The following CTTNBP2 variants were observed in gnomAD, a reference collection of about 807,000 sequenced individuals.
CTTNBP2 encodes the protein cortactin-binding protein 2.
In CTTNBP2, 108 loss-of-function variants were observed where a neutral mutation model predicts 156.9. That is an observed-to-expected ratio of 0.69 (90% CI 0.59 to 0.81). The LOEUF (loss-of-function observed/expected upper bound fraction) is 0.81, where lower values mean the gene tolerates loss of function less well. Among genes scored for constraint, CTTNBP2 ranks in the 30% least tolerant of loss-of-function variants. The pLI is 0.00. For missense variants in CTTNBP2, 1,924 were observed against 2,035.4 expected, an observed-to-expected ratio of 0.95 and a Z score of 1.05; for synonymous variants, 767 against 751.8, an observed-to-expected ratio of 1.02 and a Z score of -0.33.
intron 2 of CTTNBP2, among the ~76,000 whole-genome samples, chr7:117,827,099 T>C (rs1801333207): frequency 6.6e-6 from 1 of 152,168 alleles, no homozygotes; most frequent in Admixed American, 6.6e-5. Context: ...CCTTAATTGA[T>C]CTGCCTGCCT....
intron 21 of CTTNBP2, among the ~76,000 whole-genome samples, chr7:117,718,784 A>G (rs1562948422): frequency 1.3e-5 from 2 of 152,240 alleles, no homozygotes; most frequent in Admixed American, 6.5e-5. Flanking sequence ...TGCTTGGTCT[A>G]TAACATAAGT....
At chr7:117,759,099 C>T (rs919395135) in intron 10 of CTTNBP2, among the ~76,000 whole-genome samples, 4 of 152,088 alleles carry the variant, frequency 2.6e-5, no homozygotes, top group African/African-American at 9.7e-5. Context: ...ATTTTAAGTA[C>T]ATTATAACAA....
At chr7:117,846,651 G>T (rs1227524036) in intron 2 of CTTNBP2, among the ~76,000 whole-genome samples, 1 of 151,986 alleles carries the variant, frequency 6.6e-6, no homozygotes, top group Admixed American at 6.6e-5. Flanking sequence ...AGAAACATTT[G>T]AATTGCCTGT....
At chr7:117,763,719 G>A (rs1797332389) in intron 9 of CTTNBP2, among the ~76,000 whole-genome samples, 1 of 151,662 alleles carries the variant, frequency 6.6e-6, no homozygotes, top group African/African-American at 2.4e-5. Flanking sequence ...ACAGGCACGT[G>A]TCACCATGCC....
intron 8 of CTTNBP2, among the ~76,000 whole-genome samples, chr7:117,772,319 C>T (rs1383949039): frequency 7.9e-5 from 12 of 152,140 alleles, no homozygotes; most frequent in Admixed American, 3.9e-4. Context: ...AAAATTTATT[C>T]GTAAAAGAGT....
At position 117,791,701 on chromosome 7, in the gene CTTNBP2, A is replaced by G. The variant is rs139006477; in HGVS notation, c.1495T>C (p.Phe499Leu). The change falls in exon 4 of 23, where the codon TTT (phenylalanine) becomes CTT (leucine). Residue 499 changes from phenylalanine to leucine, a missense_variant. Transcript: ENST00000160373. ...GGAGCACCTGCTTGAGGGCTTGTAAATCTTGACAGTGCTTGGGTCACAGTA... is the reference window on the plus strand; with the variant it reads ...GGAGCACCTGCTTGAGGGCTTGTAAGTCTTGACAGTGCTTGGGTCACAGTA... ...RNTVTQALSR[F>L]TSPQAGAPSR... The G allele has an allele frequency of 2.3e-4, 373 of 1,614,000 alleles. 1 individual carries two copies. Among genetic ancestry groups the G allele is most frequent in the Middle Eastern group, 3.3e-4 (2 of 6,082 alleles).
At chr7:117,732,936 A>G (rs1795485215) in intron 16 of CTTNBP2, among the ~76,000 whole-genome samples, 2 of 152,194 alleles carry the variant, frequency 1.3e-5, no homozygotes, top group Non-Finnish European at 2.9e-5. Flanking sequence ...ATCATTATAT[A>G]ACTCTTTTAT....
At chr7:117,832,517 T>C (rs1255275972) in intron 2 of CTTNBP2, among the ~76,000 whole-genome samples, 1 of 151,332 alleles carries the variant, frequency 6.6e-6, no homozygotes, top group Non-Finnish European at 1.5e-5. Context: ...TCTGACTCTT[T>C]ATTCTCTCTC....
rs561305383 is a variant in CTTNBP2 at position 117,734,933 on chromosome 7, G to C, written c.3856C>G (p.Arg1286Gly). 1.3e-6 allele frequency: 2 copies of C among 1,598,404 alleles called. No individual in the cohort carries two copies. The highest frequency in any genetic ancestry group is 1.1e-5 in the South Asian group (1 of 89,854). The change falls in exon 16 of 23, where the codon CGA (arginine) becomes GGA (glycine). Residue 1286 changes from arginine to glycine, a missense_variant. Physicochemically the swap from Arg to Gly is moderately radical, Grantham distance 125. Coordinates refer to ENST00000160373, the MANE Select transcript of CTTNBP2 (RefSeq NM_033427.3). The stretch of plus-strand genomic sequence containing the variant: ...GTTACCTTATTCACAACTTTCCTTC[G>C]TAAGAACCTCTGCAGCAGTCCTTGC... ...PMQGLLQRFL[R>G]RKVVNKFKGQ...
chr7:117,717,190 TG>T (rs1197392553), intron 22 of CTTNBP2, among the ~76,000 whole-genome samples: 2 of 152,202 alleles, frequency 1.3e-5, no homozygotes, highest in Non-Finnish European at 2.9e-5. Context: ...GCTGTAGTCA[TG>T]GAAGCTATTT....
At chr7:117,773,471 G>A (rs899425492) in intron 8 of CTTNBP2, among the ~76,000 whole-genome samples, 1 of 152,184 alleles carries the variant, frequency 6.6e-6, no homozygotes, top group Non-Finnish European at 1.5e-5. Flanking sequence ...ACTGCCCAGA[G>A]ATGACCTCCA....
At chr7:117,717,364 A>T (rs1378361840) in intron 22 of CTTNBP2, among the ~76,000 whole-genome samples, 1 of 151,536 alleles carries the variant, frequency 6.6e-6, no homozygotes, top group Non-Finnish European at 1.5e-5. Context: ...GTTATCACTC[A>T]GTGCTTTGTT....
intron 2 of CTTNBP2, among the ~76,000 whole-genome samples, chr7:117,831,833 A>G (rs2117080501): frequency 6.6e-6 from 1 of 152,184 alleles, no homozygotes; most frequent in Non-Finnish European, 1.5e-5. Flanking sequence ...AGTATGTTCA[A>G]CGTTCTGCTC....
In CTTNBP2 at chr7:117,735,002, G is replaced by A. The variant is rs1795603203; in HGVS notation, c.3787C>T (p.Gln1263Ter). The A allele has an allele frequency of 6.2e-7, 1 of 1,614,062 alleles. No individual in the cohort carries two copies. Among genetic ancestry groups the A allele is most frequent in the South Asian group, 1.1e-5 (1 of 91,086 alleles). The change falls in exon 16 of 23, where the codon CAG (glutamine) becomes TAG (stop). Residue 1263 changes from glutamine (Q) to a stop codon, truncating the protein, a stop_gained. Coordinates refer to ENST00000160373, the MANE Select transcript of CTTNBP2 (RefSeq NM_033427.3). LOFTEE classifies it high-confidence loss of function. The part of the protein sequence containing the change: ...CLQGSDLLVQ[Q>*]HFRWVQLRWD... ...CGCAGCTGCACCCAGCGGAAATGCTGCTGCACCAGCAAGTCGGAGCCCTGG... is the reference window on the plus strand; with the variant it reads ...CGCAGCTGCACCCAGCGGAAATGCTACTGCACCAGCAAGTCGGAGCCCTGG...
At chr7:117,841,092 T>C (rs201213052) in intron 2 of CTTNBP2, among the ~76,000 whole-genome samples, 1 of 152,186 alleles carries the variant, frequency 6.6e-6, no homozygotes, top group East Asian at 1.9e-4. Context: ...AACATATTTA[T>C]GGGAAAAAAG....
chr7:117,737,743 A>AT (rs1037122522), intron 14 of CTTNBP2, among the ~76,000 whole-genome samples: 13 of 151,276 alleles, frequency 8.6e-5, no homozygotes, highest in South Asian at 2.1e-4. Flanking sequence ...CAAATACAAA[A>AT]TTTTTTTTTG....
rs1585014251 is a variant in CTTNBP2, at chr7:117,792,650, T to C, written c.546A>G (p.Ser182=). 1 of 1,614,140 alleles carries C rather than the reference T, an allele frequency of 6.2e-7. No individual in the cohort carries two copies. The change falls in exon 4 of 23, where the codon TCA becomes TCG. Residue 182 remains serine, a synonymous_variant. Transcript: ENST00000160373. This position sits in a 1 kb window ranked among gnomAD's most constrained non-coding sequence, Gnocchi z 4.2. ...TCTGGGCCTCCTCTATGACTTTGCC[T>C]GAGAGCTGCTTGCACTCTTTGACCA... ...LMLVKECKQL[S]GKVIEEAQKL...
chr7:117,765,709 C>G (rs990659662), intron 9 of CTTNBP2, among the ~76,000 whole-genome samples: 5 of 152,204 alleles, frequency 3.3e-5, no homozygotes, highest in Non-Finnish European at 7.3e-5. Context: ...CCTGGTCCAA[C>G]TGAGGACACA....
Position 117,791,894 on chromosome 7 carries a change from G to T in CTTNBP2, c.1302C>A (p.Asn434Lys). 6.2e-7 allele frequency: 1 copy of T among 1,614,202 alleles called. No homozygotes were observed. The highest frequency in any genetic ancestry group is 2.2e-5 in the East Asian group (1 of 44,876). The change falls in exon 4 of 23, where the codon AAC becomes AAA. Residue 434 changes from asparagine to lysine, a missense_variant. Physicochemically the swap from Asn to Lys is moderately conservative, Grantham distance 94. Transcript: ENST00000160373. ...PMHSLHSPCA[N>K]TSLHPGLNPR... is the part of the protein sequence containing the mutation. The stretch of plus-strand genomic sequence containing the variant: ...GGTTTAGACCTGGATGCAAAGAGGT[G>T]TTGGCACATGGTGAATGTAAACTGT...
Sources: gnomAD v4.1 joint callset for allele counts (sites outside exome capture counted in the v4.1 genomes callset) on GRCh38, gnomAD v4.1.1 for gene constraint, Gnocchi (gnomAD v3.1) non-coding constraint, MANE v1.5 for transcripts, NCBI Gene and HGNC (gene_info 2026-07-23, HGNC 2026-07-21) for gene names.